Variants in SVEP1 observed in about 807,000 individuals in gnomAD.
SVEP1 encodes sushi, von Willebrand factor type A, EGF and pentraxin domain-containing protein 1.
In SVEP1, 164 loss-of-function variants were observed where a neutral mutation model predicts 367.3. The ratio of observed to expected loss-of-function variants is 0.45; its 90% CI spans 0.39 to 0.51. The LOEUF is 0.51. Ranked by LOEUF, SVEP1 falls within the 20% of genes least tolerant of loss-of-function variation. The pLI, the probability that SVEP1 is intolerant of heterozygous loss-of-function variation, is 0.00. For synonymous variants in SVEP1, 1,666 were observed against 1,611.6 expected, an observed-to-expected ratio of 1.03 and a Z score of -0.81; for missense variants, 4,117 against 4,425.3, an observed-to-expected ratio of 0.93 and a Z score of 1.98.
intron 39 of SVEP1, among the ~76,000 whole-genome samples, chr9:110,403,296 GTTTTTTTTTTTTTTTT>G (rs71371665): frequency 4.6e-5 from 2 of 43,462 alleles, no homozygotes; most frequent in South Asian, 1.4e-3. Context: ...CGCCACCGCC[GTTTTTTTTTTTTTTTT>G]TTTTTTTTTT....
intron 36 of SVEP1, among the ~76,000 whole-genome samples, chr9:110,425,756 A>C (rs1378813868): frequency 6.6e-6 from 1 of 152,204 alleles, no homozygotes; most frequent in Non-Finnish European, 1.5e-5. Context: ...GATGTGTATG[A>C]TTTGTGAAGA....
At chr9:110,514,677 G>A (rs1191532584) in intron 3 of SVEP1, among the ~76,000 whole-genome samples, 1 of 152,112 alleles carries the variant, frequency 6.6e-6, no homozygotes, top group African/African-American at 2.4e-5. Flanking sequence ...ACACAACACA[G>A]CATGAAATGT....
At chr9:110,487,512 T>C (rs917321801) in intron 9 of SVEP1, among the ~76,000 whole-genome samples, 2 of 152,242 alleles carry the variant, frequency 1.3e-5, no homozygotes, top group African/African-American at 2.4e-5. Flanking sequence ...AGTCTGATTT[T>C]TACTGGATTT....
rs752690491 is a variant in SVEP1, at chr9:110,408,744, C to A, written c.6856G>T (p.Val2286Phe). ...TAACCCTCATTACAGAAAAACTGAA[C>A]CTTGGACCCTACTTCAAAGTTTTCT... ...KGENFEVGSK[V>F]QFFCNEGYEL... is the part of the protein sequence containing the mutation. The change falls in exon 38 of 48, where the codon GTT becomes TTT. Residue 2286 changes from valine (V) to phenylalanine (F), a missense_variant. Coordinates refer to ENST00000374469, the MANE Select transcript of SVEP1 (RefSeq NM_153366.4). The A allele has an allele frequency of 2.5e-6, 4 of 1,613,716 alleles. No homozygotes were observed. The highest frequency in any genetic ancestry group is 4.5e-5 in the East Asian group (2 of 44,880).
intron 1 of SVEP1, among the ~76,000 whole-genome samples, chr9:110,563,428 T>C (rs1830454452): frequency 6.6e-6 from 1 of 152,174 alleles, no homozygotes; most frequent in African/African-American, 2.4e-5. Flanking sequence ...GCAAAAATTA[T>C]TTTAGAGAAA....
At chr9:110,539,615 GTA>G (rs10655944) in intron 3 of SVEP1, among the ~76,000 whole-genome samples, 2 of 150,062 alleles carry the variant, frequency 1.3e-5, no homozygotes, top group Admixed American at 1.3e-4. Context: ...GATTTTTAAA[GTA>G]TATATATACA....
chr9:110,466,653 T>C (rs1353046161), intron 17 of SVEP1, among the ~76,000 whole-genome samples: 8 of 143,632 alleles, frequency 5.6e-5, no homozygotes, highest in African/African-American at 2.1e-4. Flanking sequence ...CCCAGCTACT[T>C]GGGAGGCTGA....
chr9:110,500,555 C>T (rs1829515896), intron 6 of SVEP1, among the ~76,000 whole-genome samples: 1 of 152,108 alleles, frequency 6.6e-6, no homozygotes, highest in African/African-American at 2.4e-5. Context: ...ATGTTAAATA[C>T]ATTCTCTTCC....
Position 110,408,066 on chromosome 9 carries a change from T to G in SVEP1, c.7534A>C (p.Thr2512Pro). Residue 2512 changes from threonine to proline, a missense_variant, in exon 38 of 48, where the codon ACG becomes CCG. Physicochemically the swap from Thr to Pro is conservative, Grantham distance 38. Around this residue, in one of 4 missense-constraint regions of SVEP1, gnomAD observed 1,765 missense variants for 1,781.1 expected, o/e 0.99. Transcript: ENST00000374469. ...KEILNGKFSY[T>P]DLHYGQTVTY... Reference sequence around the variant, plus strand: ...ACGGTCTGTCCATAGTGTAGGTCCGTGTAAGAGAATTTGCCATTCAAAATC... The same window carrying G: ...ACGGTCTGTCCATAGTGTAGGTCCGGGTAAGAGAATTTGCCATTCAAAATC... 6.2e-7 allele frequency: 1 copy of G among 1,613,372 alleles called. No individual in the cohort carries two copies.
rs143664520 is a variant in SVEP1 at position 110,379,160 on chromosome 9, C to A, written c.10408+187G>T. Among the ~76,000 whole-genome samples, 706 of 152,202 alleles carry A rather than the reference C, an allele frequency of 4.6e-3. 3 individuals are homozygous for A. The highest frequency in any genetic ancestry group is 0.016 in the African/African-American group (670 of 41,528). On this transcript the variant is annotated intron_variant, in intron 44 of 47. Coordinates refer to ENST00000374469, the MANE Select transcript of SVEP1 (RefSeq NM_153366.4). ...ATTTTGCAACATTTCAAGCACAGAA[C>A]CTAAGAGTTCTATGTGCTTTTAAAA...
rs780876896 is a variant in SVEP1 at position 110,579,082 on chromosome 9, G to C, written c.462C>G (p.Leu154=). The C allele has an allele frequency of 6.4e-7, 1 of 1,551,504 alleles. No homozygotes were observed. The highest frequency in any genetic ancestry group is 8.7e-7 in the Non-Finnish European group (1 of 1,147,646). Residue 154 remains leucine (L), a synonymous_variant, in exon 1 of 48, where the codon CTC becomes CTG. Coordinates refer to ENST00000374469, the MANE Select transcript of SVEP1 (RefSeq NM_153366.4). This position sits in a 1 kb window ranked among gnomAD's most constrained non-coding sequence, Gnocchi z 5.3. ...RARQHKCALL[L]QEIPAISYRG... Reference sequence around the variant, plus strand: ...GGTAGGAGATGGCAGGGATCTCTTGGAGGAGCAGCGCGCACTTGTGCTGGC... The same window carrying C: ...GGTAGGAGATGGCAGGGATCTCTTGCAGGAGCAGCGCGCACTTGTGCTGGC...
At chr9:110,427,302 C>CAAAA (rs61616981) in intron 36 of SVEP1, among the ~76,000 whole-genome samples, 1 of 81,920 alleles carries the variant, frequency 1.2e-5, no homozygotes. Flanking sequence ...GACTCTGTCT[C>CAAAA]AAAAAAAAAA....
intron 1 of SVEP1, among the ~76,000 whole-genome samples, chr9:110,551,096 C>T (rs182529355): frequency 3.3e-5 from 5 of 152,108 alleles, no homozygotes; most frequent in African/African-American, 9.6e-5. Flanking sequence ...ATGTTTATTC[C>T]GCAAGAATTC....
At position 110,499,216 on chromosome 9, in the gene SVEP1, C is replaced by G; in HGVS notation, c.1506G>C (p.Gln502His). 6.2e-7 allele frequency: 1 copy of G among 1,612,612 alleles called. No individual in the cohort carries two copies. Among genetic ancestry groups the G allele is most frequent in the Non-Finnish European group, 8.5e-7 (1 of 1,179,144 alleles). Residue 502 changes from glutamine (Q) to histidine (H), a missense_variant, in exon 7 of 48, where the codon CAG becomes CAC. Transcript: ENST00000374469. ...RCVERHCSTF[Q>H]MPKDVIISPH... ...GGGATATGATGACATCTTTGGGCAT[C>G]TGAAAGGTGGAACAGTGGCGCTCTA...
chr9:110,534,182 C>A (rs1309650914), intron 3 of SVEP1, among the ~76,000 whole-genome samples: 2 of 152,160 alleles, frequency 1.3e-5, no homozygotes, highest in East Asian at 1.9e-4. Flanking sequence ...TCCCCATACC[C>A]TCCACCCTCA....
intron 42 of SVEP1, among the ~76,000 whole-genome samples, chr9:110,386,918 A>T (rs1191209795): frequency 6.6e-6 from 1 of 152,210 alleles, no homozygotes; most frequent in Non-Finnish European, 1.5e-5. Flanking sequence ...TCATTATATT[A>T]ACATCACATA....
chr9:110,453,785 T>C (rs1312923316), intron 22 of SVEP1, among the ~76,000 whole-genome samples: 2 of 151,778 alleles, frequency 1.3e-5, no homozygotes, highest in Non-Finnish European at 2.9e-5. Context: ...AGGAGAATTG[T>C]TTGAACTTGG....
At chr9:110,522,523 C>G (rs1468828233) in intron 3 of SVEP1, among the ~76,000 whole-genome samples, 1 of 152,124 alleles carries the variant, frequency 6.6e-6, no homozygotes, top group African/African-American at 2.4e-5. Context: ...AATTTACCAC[C>G]CAGCACATAA....
rs138803033 is a variant in SVEP1, at chr9:110,516,553, ATTTC to A, written c.965-2451_965-2448del. Among the ~76,000 whole-genome samples the A allele has an allele frequency of 6.3e-3, 966 of 152,266 alleles. 9 individuals carry two copies. Among genetic ancestry groups the A allele is most frequent in the African/African-American group, 0.022 (925 of 41,584 alleles). On this transcript the variant is annotated intron_variant, in intron 3 of 47. Transcript: ENST00000374469. ...TATTACTGAATATTAATATTGTAAT[ATTTC>A]TTTCTATAAAATATCAGTAAATATC... is the stretch of plus-strand genomic sequence containing the variant.
Sources: gnomAD v4.1 joint callset for allele counts (sites outside exome capture counted in the v4.1 genomes callset) on GRCh38, gnomAD v4.1.1 for gene constraint, gnomAD v4.1.1 regional missense constraint, Gnocchi (gnomAD v3.1) non-coding constraint, MANE v1.5 for transcripts, NCBI Gene and HGNC (gene_info 2026-07-23, HGNC 2026-07-21) for gene names.